The following LRMDA variants were observed in gnomAD, a reference collection of about 807,000 sequenced individuals.
The protein encoded by LRMDA is leucine rich melanocyte differentiation associated.
In LRMDA, 18 loss-of-function variants were observed where a neutral mutation model predicts 29.8. That is an observed-to-expected ratio of 0.60 (90% confidence interval 0.42 to 0.90). The LOEUF (loss-of-function observed/expected upper bound fraction) is 0.90. Ranked by LOEUF, LRMDA falls within the 40% of genes least tolerant of loss-of-function variation. LRMDA has a pLI of 0.00. For synonymous variants in LRMDA, 125 were observed against 109.4 expected (o/e 1.14, Z -0.89); for missense variants, 273 against 273.9 (o/e 1.00, Z 0.02).
At chr10:75,510,508 G>A (rs1845213857) in intron 2 of LRMDA, among the ~76,000 whole-genome samples, 1 of 152,212 alleles carries the variant, frequency 6.6e-6, no homozygotes, top group Non-Finnish European at 1.5e-5. Context: ...AGGGGGTGGA[G>A]TAATCCAAAA....
intron 2 of LRMDA, among the ~76,000 whole-genome samples, chr10:75,858,186 G>A (rs1049830706): frequency 6.6e-6 from 1 of 152,262 alleles, no homozygotes; most frequent in African/African-American, 2.4e-5. Context: ...TGGCCCCTCT[G>A]TCTACTCAGT....
chr10:76,165,059 G>T (rs1008288771), intron 5 of LRMDA, among the ~76,000 whole-genome samples: 1 of 152,206 alleles, frequency 6.6e-6, no homozygotes, highest in Non-Finnish European at 1.5e-5. Flanking sequence ...TGCAAACTCT[G>T]CCTCCCAGGT....
intron 2 of LRMDA, among the ~76,000 whole-genome samples, chr10:76,015,968 C>T (rs749589162): frequency 3.3e-5 from 5 of 152,210 alleles, no homozygotes; most frequent in African/African-American, 4.8e-5. Flanking sequence ...AGTAATCACT[C>T]CCTCTGGGTT....
intron 2 of LRMDA, among the ~76,000 whole-genome samples, chr10:75,984,697 G>A (rs564409132): frequency 6.6e-6 from 1 of 152,222 alleles, no homozygotes; most frequent in Non-Finnish European, 1.5e-5. Context: ...CCCTTTCATT[G>A]GCAATGCTGA....
At chr10:76,323,559 C>T (rs947057664) in intron 5 of LRMDA, among the ~76,000 whole-genome samples, 1 of 152,010 alleles carries the variant, frequency 6.6e-6, no homozygotes, top group South Asian at 2.1e-4. Flanking sequence ...GGTAATGCTT[C>T]TTGCTACTAG....
chr10:75,452,947 A>G (rs941059871), intron 2 of LRMDA, among the ~76,000 whole-genome samples: 2 of 152,218 alleles, frequency 1.3e-5, no homozygotes, highest in African/African-American at 4.8e-5. Flanking sequence ...TTTAAAGTTT[A>G]CAAGCATAAT....
intron 5 of LRMDA, among the ~76,000 whole-genome samples, chr10:76,088,121 C>T (rs1311004266): frequency 6.6e-6 from 1 of 152,112 alleles, no homozygotes; most frequent in African/African-American, 2.4e-5. Flanking sequence ...CACAAAGTCT[C>T]ACAGACACAC....
At chr10:76,321,561 TA>T (rs1431987530) in intron 5 of LRMDA, among the ~76,000 whole-genome samples, 3 of 152,122 alleles carry the variant, frequency 2.0e-5, no homozygotes, top group Non-Finnish European at 4.4e-5. Flanking sequence ...TGGATACTAA[TA>T]ATTTATTGTA....
intron 2 of LRMDA, among the ~76,000 whole-genome samples, chr10:75,708,626 C>G (rs1842398221): frequency 6.6e-6 from 1 of 151,968 alleles, no homozygotes; most frequent in African/African-American, 2.4e-5. Flanking sequence ...GGGTTAACAA[C>G]AAGGCACAGG....
chr10:76,431,222 T>G (rs4746393), intron 6 of LRMDA, among the ~76,000 whole-genome samples: 2 of 152,080 alleles, frequency 1.3e-5, no homozygotes, highest in Admixed American at 6.5e-5. Flanking sequence ...AGATAATAAC[T>G]AGGTGCTTGG....
chr10:76,371,728 T>G (rs1261268601), intron 6 of LRMDA, among the ~76,000 whole-genome samples: 1 of 151,996 alleles, frequency 6.6e-6, no homozygotes. Context: ...GTGAGTTGGA[T>G]AGGGGAAGAG....
chr10:75,729,931 G>A (rs1842675804), intron 2 of LRMDA, among the ~76,000 whole-genome samples: 1 of 152,056 alleles, frequency 6.6e-6, no homozygotes, highest in Admixed American at 6.5e-5. Flanking sequence ...CCAAGTAGCT[G>A]GGACTACATG....
intron 6 of LRMDA, among the ~76,000 whole-genome samples, chr10:76,465,331 G>A (rs1213641343): frequency 6.6e-6 from 1 of 152,112 alleles, no homozygotes; most frequent in Non-Finnish European, 1.5e-5. Flanking sequence ...AGCTGAAATT[G>A]TAAGACCTGT....
intron 4 of LRMDA, among the ~76,000 whole-genome samples, chr10:76,050,086 T>C (rs1312270393): frequency 2.0e-5 from 3 of 152,214 alleles, no homozygotes; most frequent in African/African-American, 4.8e-5. Context: ...TGTGATGTAA[T>C]ATTTATAATA....
chr10:76,196,879 A>G (rs896368452), intron 5 of LRMDA, among the ~76,000 whole-genome samples: 1 of 152,214 alleles, frequency 6.6e-6, no homozygotes, highest in Non-Finnish European at 1.5e-5. Context: ...ATCTAGCTAC[A>G]TCTTGCGTTG....
Position 76,503,596 on chromosome 10 carries a change from T to C in LRMDA, c.602-53613T>C, listed in dbSNP as rs1842932622. Among the ~76,000 whole-genome samples the C allele has an allele frequency of 3.3e-5, 5 of 152,066 alleles. 1 individual carries two copies. The South Asian group carries it at 1.0e-3, about 31-fold the overall frequency. On this transcript the variant is annotated intron_variant, in intron 6 of 6. Coordinates refer to ENST00000611255, the MANE Select transcript of LRMDA (RefSeq NM_001305581.2). ...CACGAATTTATCCATTTCCTGTAGA[T>C]TTTCTAATTTCTGTGCATCAAGTTG...
At position 75,493,280 on chromosome 10, in the gene LRMDA, G is replaced by A. The variant is rs77687024; in HGVS notation, c.131+54786G>A. Among the ~76,000 whole-genome samples, 1,310 of 151,872 alleles carry A rather than the reference G, an allele frequency of 8.6e-3. 16 individuals carry two copies. Among genetic ancestry groups the A allele is most frequent in the African/African-American group, 0.025 (1,030 of 41,376 alleles). ...CAAGTTTTCCTAGGTTGGGAAGTGA[G>A]CGGAATTCTTACAAGTTTTGGCTCT... On this transcript the variant is annotated intron_variant, in intron 2 of 6. Transcript: ENST00000611255.
chr10:75,672,243 G>A (rs2132144128), intron 2 of LRMDA, among the ~76,000 whole-genome samples: 1 of 152,212 alleles, frequency 6.6e-6, no homozygotes, highest in East Asian at 2.0e-4. Flanking sequence ...GCTCTGAGAT[G>A]AGTGGCCTTG....
intron 5 of LRMDA, among the ~76,000 whole-genome samples, chr10:76,127,950 T>G (rs1223352181): frequency 6.6e-6 from 1 of 152,134 alleles, no homozygotes; most frequent in African/African-American, 2.4e-5. Flanking sequence ...TGTAGCATTT[T>G]AACCAACTTA....
Sources: gnomAD v4.1 joint callset for allele counts (sites outside exome capture counted in the v4.1 genomes callset) on GRCh38, gnomAD v4.1.1 for gene constraint, MANE v1.5 for transcripts, NCBI Gene and HGNC (gene_info 2026-07-23, HGNC 2026-07-21) for gene names.